KLC4: variants seen among roughly 807,000 people sequenced by gnomAD.
The protein encoded by KLC4 is kinesin-like protein 8.
A neutral mutation model predicts 77.2 loss-of-function variants in KLC4; 49 were observed. That is an observed-to-expected ratio of 0.63 (90% CI 0.50 to 0.80). The LOEUF is 0.80. Among genes scored for constraint, KLC4 ranks in the 30% least tolerant of loss-of-function variants. The probability of loss-of-function intolerance (pLI) is 0.00; values close to 1 mark genes in which losing one functional copy is unlikely to be tolerated. For synonymous variants in KLC4, 274 were observed against 314.5 expected (o/e 0.87, Z 1.36); for missense variants, 669 against 793.5 (o/e 0.84, Z 1.89).
chr6:43,073,671 A>G (rs1765839987), intron 14 of KLC4: 2 of 562,812 alleles, frequency 3.6e-6, no homozygotes, highest in Admixed American at 6.8e-5. Flanking sequence ...AAAAAAAAAA[A>G]GATATGGTAA....
chr6:43,069,475 C>T (rs889534633), intron 6 of KLC4, among the ~76,000 whole-genome samples: 2 of 152,070 alleles, frequency 1.3e-5, no homozygotes, highest in South Asian at 4.1e-4. Flanking sequence ...GAACTCCTGA[C>T]CTCAAGTGAT....
rs1382389742 is a variant in KLC4, at chr6:43,070,373, A to G, written c.899A>G (p.Asn300Ser). 3 of 1,613,914 alleles carry G rather than the reference A, an allele frequency of 1.9e-6. No homozygotes were observed. Among genetic ancestry groups the G allele is most frequent in the African/African-American group, 1.3e-5 (1 of 75,036 alleles). Residue 300 changes from asparagine (N) to serine (S), a missense_variant, in exon 7 of 16, where the codon AAT (asparagine) becomes AGT (serine). By Grantham distance (46) the Asn-to-Ser change is conservative (BLOSUM62 1). Coordinates refer to ENST00000347162, the MANE Select transcript of KLC4 (RefSeq NM_201521.3). ...DHPAVAATLN[N>S]LAVLYGKRGK... ...TCATAGGTGGCTGCCACACTCAACAATTTGGCTGTGCTCTATGGCAAAAGG... is the reference window on the plus strand; with the variant it reads ...TCATAGGTGGCTGCCACACTCAACAGTTTGGCTGTGCTCTATGGCAAAAGG...
intron 6 of KLC4, among the ~76,000 whole-genome samples, chr6:43,068,229 T>G (rs1349633436): frequency 1.4e-4 from 21 of 151,142 alleles, no homozygotes; most frequent in Admixed American, 1.4e-3. Context: ...ATCCCAGCAC[T>G]TTGGGAGGCC....
At chr6:43,067,549 C>T (rs1765498936) in intron 6 of KLC4, among the ~76,000 whole-genome samples, 1 of 152,068 alleles carries the variant, frequency 6.6e-6, no homozygotes, top group South Asian at 2.1e-4. Context: ...AATCCCAGCA[C>T]TTTGGGAGGC....
At chr6:43,071,148 G>A (rs1437063561) in intron 8 of KLC4, 127 bp from the exon 9 acceptor site, 1 of 653,372 alleles carries the variant, frequency 1.5e-6, no homozygotes, top group Non-Finnish European at 2.6e-6. Context: ...TCTGGGGAAA[G>A]TGAGAGAGAC....
chr6:43,067,956 C>A (rs1412186619), intron 6 of KLC4, among the ~76,000 whole-genome samples: 1 of 104,758 alleles, frequency 9.5e-6, no homozygotes, highest in Non-Finnish European at 1.8e-5. Context: ...ACTAAAAATA[C>A]AAAAAATTAG....
At chr6:43,067,245 A>G in intron 6 of KLC4, 162 bp downstream of exon 6, 1 of 1,323,664 alleles carries the variant, frequency 7.6e-7, no homozygotes, top group African/African-American at 1.5e-5. Context: ...CAGTGATCCT[A>G]ATGATTCTCA....
chr6:43,069,953 C>G, intron 6 of KLC4, among the ~76,000 whole-genome samples: 1 of 152,096 alleles, frequency 6.6e-6, no homozygotes. Context: ...GTCTTGATAT[C>G]CCATCAAATA....
intron 8 of KLC4, 131 bp downstream of exon 8, chr6:43,070,996 A>G (rs1443061968): frequency 1.2e-6 from 1 of 861,602 alleles, no homozygotes; most frequent in Non-Finnish European, 1.8e-6. Context: ...CACTGCTCTC[A>G]TCAACTTTGT....
chr6:43,066,702 A>G (rs1231829230), intron 5 of KLC4, among the ~76,000 whole-genome samples, 177 bp downstream of exon 5: 5 of 152,034 alleles, frequency 3.3e-5, no homozygotes, highest in African/African-American at 4.8e-5. Flanking sequence ...ATACCTAAGC[A>G]TTTGCTCATC....
At position 43,060,334 on chromosome 6, in the gene KLC4, TA is replaced by T. The variant is rs756326745; in HGVS notation, c.-26+650del. The stretch of plus-strand genomic sequence containing the variant: ...CCCTTCCTGGGAGACAGTAGCTCCC[TA>T]GGCCTGCAATGAGGGAGGCTGGCTT... On this transcript the variant is annotated intron_variant, in intron 1 of 15. Transcript: ENST00000347162. The T allele has an allele frequency of 2.5e-6, 4 of 1,607,166 alleles. No individual in the cohort carries two copies. The South Asian group carries it at 4.4e-5, about 18-fold the overall frequency.
At chr6:43,070,592 C>A in intron 7 of KLC4, 100 bp from the exon 8 acceptor site, 1 of 1,444,160 alleles carries the variant, frequency 6.9e-7, no homozygotes, top group Non-Finnish European at 9.6e-7. Context: ...CATTCCCTTT[C>A]CTCTGCTTTC....
At chr6:43,065,958 G>C (rs969335193) in intron 4 of KLC4, among the ~76,000 whole-genome samples, 1 of 152,240 alleles carries the variant, frequency 6.6e-6, no homozygotes, top group Non-Finnish European at 1.5e-5. Context: ...GGTCTTACCA[G>C]TAAGGAGTTC....
At chr6:43,065,849 G>A (rs548679399) in intron 4 of KLC4, 148 bp downstream of exon 4, 62 of 620,104 alleles carry the variant, frequency 1.0e-4, no homozygotes, top group African/African-American at 8.3e-4. Context: ...CTAGTACTTC[G>A]ATTTCCTCAG....
chr6:43,072,055 T>C (rs1375851093), intron 11 of KLC4, 92 bp from the exon 12 acceptor site: 15 of 1,411,222 alleles, frequency 1.1e-5, no homozygotes, highest in Non-Finnish European at 1.0e-6. Flanking sequence ...TCCTATTTTC[T>C]TATTTTTTTT....
intron 8 of KLC4, 121 bp from the exon 9 acceptor site, chr6:43,071,154 G>C: frequency 4.5e-6 from 3 of 659,410 alleles, no homozygotes; most frequent in Non-Finnish European, 7.8e-6. Flanking sequence ...GAAAGTGAGA[G>C]AGACACTGAG....
intron 2 of KLC4, 100 bp from the exon 3 acceptor site, chr6:43,062,817 G>A (rs1451827224): frequency 2.2e-6 from 2 of 919,300 alleles, no homozygotes; most frequent in Non-Finnish European, 3.5e-6. Flanking sequence ...TGGCTCCTCT[G>A]TGCCCCTGCC....
chr6:43,062,867 C>T (rs1230554150), intron 2 of KLC4, 50 bp from the exon 3 acceptor site: 2 of 1,521,940 alleles, frequency 1.3e-6, no homozygotes, highest in East Asian at 4.5e-5. Context: ...TCCACCTGTT[C>T]CTGAATACTC....
intron 15 of KLC4, 124 bp downstream of exon 15, chr6:43,074,089 A>T: frequency 2.8e-6 from 2 of 702,570 alleles, no homozygotes; most frequent in Non-Finnish European, 4.7e-6. Flanking sequence ...GAGCCAGGGG[A>T]TTGCAGTCAT....
Sources: gnomAD v4.1 joint callset for allele counts (sites outside exome capture counted in the v4.1 genomes callset) on GRCh38, gnomAD v4.1.1 for gene constraint, MANE v1.5 for transcripts, NCBI Gene and HGNC (gene_info 2026-07-23, HGNC 2026-07-21) for gene names.